PTPRD: variants seen among roughly 807,000 people sequenced by gnomAD.
The protein encoded by PTPRD is receptor-type tyrosine-protein phosphatase delta.
A neutral mutation model predicts 214.5 loss-of-function variants in PTPRD; 34 were observed. The observed-to-expected ratio is 0.16, with a 90% CI of 0.12 to 0.21. PTPRD has a LOEUF of 0.21. Ranked by LOEUF, PTPRD falls within the 10% of genes least tolerant of loss-of-function variation. PTPRD has a pLI of 1.00. For missense variants in PTPRD, 2,545 were observed against 2,398.7 expected, an observed-to-expected ratio of 1.06 and a Z score of -1.27; for synonymous variants, 1,128 against 845.7, an observed-to-expected ratio of 1.33 and a Z score of -5.79.
chr9:9,377,918 T>TA (rs2061230052), intron 9 of PTPRD, among the ~76,000 whole-genome samples: 1 of 137,178 alleles, frequency 7.3e-6, no homozygotes, highest in Non-Finnish European at 1.5e-5. Context: ...CTTAAGACTA[T>TA]TTTTTTTTAA....
intron 5 of PTPRD, among the ~76,000 whole-genome samples, chr9:9,774,700 A>G (rs954456301): frequency 1.3e-5 from 2 of 152,232 alleles, no homozygotes; most frequent in Admixed American, 6.5e-5. Flanking sequence ...AGGCATTCAT[A>G]TAGAAGCCTT....
intron 4 of PTPRD, among the ~76,000 whole-genome samples, chr9:9,956,416 T>C (rs184158798): frequency 6.6e-6 from 1 of 152,282 alleles, no homozygotes; most frequent in African/African-American, 2.4e-5. Flanking sequence ...AAAATAGTTA[T>C]AAATAAGCAC....
chr9:8,786,497 G>A (rs747285654), intron 11 of PTPRD, among the ~76,000 whole-genome samples: 6 of 138,450 alleles, frequency 4.3e-5, no homozygotes, highest in Admixed American at 1.7e-4. Flanking sequence ...TGCAACCTTC[G>A]CTTCCCGGGT....
intron 4 of PTPRD, among the ~76,000 whole-genome samples, chr9:9,984,415 A>C (rs2095640422): frequency 6.6e-6 from 1 of 152,210 alleles, no homozygotes; most frequent in South Asian, 2.1e-4. Flanking sequence ...GAGAAGATGT[A>C]GTTGTAACCC....
At chr9:8,338,269 C>T (rs1419320549) in intron 43 of PTPRD, among the ~76,000 whole-genome samples, 1 of 152,042 alleles carries the variant, frequency 6.6e-6, no homozygotes, top group East Asian at 1.9e-4. Flanking sequence ...GCGAAGATAT[C>T]AGAGTTTATG....
chr9:8,585,342 C>T (rs1039044985), intron 14 of PTPRD, among the ~76,000 whole-genome samples: 3 of 152,248 alleles, frequency 2.0e-5, no homozygotes, highest in African/African-American at 4.8e-5. Flanking sequence ...TCTGCAGTCT[C>T]CTGGGTCAGT....
intron 2 of PTPRD, among the ~76,000 whole-genome samples, chr9:10,608,475 A>C (rs781178776): frequency 2.1e-4 from 32 of 152,056 alleles, no homozygotes; most frequent in Non-Finnish European, 4.4e-5. Context: ...TGACTTCAGG[A>C]CAATTTCCTT....
intron 11 of PTPRD, chr9:8,861,178 T>A (rs1204724119): frequency 1.3e-5 from 2 of 152,166 alleles, no homozygotes; most frequent in Non-Finnish European, 2.9e-5. Flanking sequence ...CTTGGAAGAT[T>A]TATTCTCATT....
At chr9:9,327,075 G>A (rs1248063297) in intron 9 of PTPRD, among the ~76,000 whole-genome samples, 5 of 152,126 alleles carry the variant, frequency 3.3e-5, no homozygotes, top group African/African-American at 9.7e-5. Flanking sequence ...ACATGCAGCT[G>A]TTCTGTAGTT....
At chr9:8,395,581 G>A (rs956556540) in intron 36 of PTPRD, among the ~76,000 whole-genome samples, 1 of 151,980 alleles carries the variant, frequency 6.6e-6, no homozygotes, top group African/African-American at 2.4e-5. Flanking sequence ...GTTTGCCAGG[G>A]TATCCCCTGG....
intron 7 of PTPRD, among the ~76,000 whole-genome samples, chr9:9,594,468 T>C (rs2093079880): frequency 6.6e-6 from 1 of 152,042 alleles, no homozygotes; most frequent in Admixed American, 6.6e-5. Flanking sequence ...GAGATGAGGA[T>C]CCAGTTTCAT....
chr9:9,799,123 T>C (rs1019728866), intron 5 of PTPRD, among the ~76,000 whole-genome samples: 1 of 152,170 alleles, frequency 6.6e-6, no homozygotes, highest in African/African-American at 2.4e-5. Flanking sequence ...GAAGGTTCCC[T>C]CCAATTTATA....
At chr9:10,075,973 C>T (rs1412488420) in intron 3 of PTPRD, among the ~76,000 whole-genome samples, 2 of 152,118 alleles carry the variant, frequency 1.3e-5, no homozygotes, top group African/African-American at 2.4e-5. Flanking sequence ...AAATATTCTA[C>T]TCAGAGTACG....
chr9:8,337,195 AC>A (rs1250327468), intron 43 of PTPRD, among the ~76,000 whole-genome samples: 1 of 152,204 alleles, frequency 6.6e-6, no homozygotes, highest in African/African-American at 2.4e-5. Context: ...CTTGTAACCA[AC>A]CCAAATGTCC....
intron 8 of PTPRD, among the ~76,000 whole-genome samples, chr9:9,539,503 T>C (rs972684096): frequency 6.6e-6 from 1 of 151,890 alleles, no homozygotes; most frequent in East Asian, 1.9e-4. Context: ...TCTGATAAAA[T>C]AATTCTTCTT....
intron 5 of PTPRD, among the ~76,000 whole-genome samples, chr9:9,907,260 C>G (rs532881292): frequency 6.6e-6 from 1 of 151,978 alleles, no homozygotes; most frequent in South Asian, 2.1e-4. Flanking sequence ...TGTTATTTCA[C>G]TTGGGTTCTT....
At chr9:8,940,611 G>C (rs1455337628) in intron 11 of PTPRD, among the ~76,000 whole-genome samples, 4 of 151,590 alleles carry the variant, frequency 2.6e-5, no homozygotes, top group Non-Finnish European at 2.9e-5. Context: ...CTCTTAAAAA[G>C]GTTATACCTA....
intron 7 of PTPRD, among the ~76,000 whole-genome samples, chr9:9,634,781 T>C (rs10977903): frequency 0.24 from 36,702 of 152,070 alleles, 5,561 homozygotes; most frequent in Non-Finnish European, 0.34. Context: ...TAGAGTTAAG[T>C]GTATAATATA....
intron 9 of PTPRD, among the ~76,000 whole-genome samples, chr9:9,244,436 G>C (rs1001492818): frequency 6.6e-6 from 1 of 152,092 alleles, no homozygotes; most frequent in East Asian, 1.9e-4. Flanking sequence ...TACCAATACA[G>C]AGATATAGAC....
Sources: allele counts gnomAD v4.1 joint callset (sites outside exome capture counted in the v4.1 genomes callset), GRCh38; gene constraint gnomAD v4.1.1; transcripts MANE v1.5; gene names NCBI Gene and HGNC (gene_info 2026-07-23, HGNC 2026-07-21).